The following R3HDM1 variants were observed in gnomAD, a reference collection of about 807,000 sequenced individuals.
The protein encoded by R3HDM1 is R3H domain containing 1, also known as R3H domain-containing protein 1.
A neutral mutation model predicts 141.1 loss-of-function variants in R3HDM1; 46 were observed. The observed-to-expected ratio is 0.33, with a 90% confidence interval of 0.26 to 0.42. The LOEUF (loss-of-function observed/expected upper bound fraction) is 0.42, where lower values mean the gene tolerates loss of function less well. Ranked by LOEUF, R3HDM1 falls within the 10% of genes least tolerant of loss-of-function variation. R3HDM1 has a pLI of 1.00. For missense variants in R3HDM1, 1,184 were observed against 1,368.3 expected (o/e 0.87, Z 2.12); for synonymous variants, 435 against 472.9 (o/e 0.92, Z 1.04).
chr2:135,575,405 C>T (rs1036794798), intron 1 of R3HDM1, among the ~76,000 whole-genome samples: 3 of 152,288 alleles, frequency 2.0e-5, no homozygotes, highest in Non-Finnish European at 2.9e-5. Flanking sequence ...TGGTCTCGAA[C>T]TCCTGACCTC....
intron 21 of R3HDM1, among the ~76,000 whole-genome samples, chr2:135,691,378 C>T (rs749288343): frequency 1.1e-4 from 16 of 152,122 alleles, no homozygotes; most frequent in Admixed American, 7.8e-4. Context: ...CTTTGGGAGG[C>T]CAAGGTGAGT....
intron 24 of R3HDM1, among the ~76,000 whole-genome samples, chr2:135,717,316 TCTA>T (rs1272634121): frequency 1.3e-5 from 2 of 152,042 alleles, no homozygotes; most frequent in Non-Finnish European, 2.9e-5. Context: ...AAACCCCATC[TCTA>T]CTAAAAATAC....
At chr2:135,601,026 C>T (rs2059582182) in intron 1 of R3HDM1, among the ~76,000 whole-genome samples, 1 of 152,036 alleles carries the variant, frequency 6.6e-6, no homozygotes, top group Admixed American at 6.6e-5. Context: ...TATGGAATTA[C>T]AAAATTAAGA....
At chr2:135,653,281 G>T (rs1040023404) in intron 18 of R3HDM1, among the ~76,000 whole-genome samples, 3 of 152,018 alleles carry the variant, frequency 2.0e-5, no homozygotes, top group African/African-American at 7.2e-5. Context: ...ACTTGAACCT[G>T]GCACATGCAG....
chr2:135,630,281 CAAAAAAAAAAAA>C lies in R3HDM1; in HGVS notation c.498-1421_498-1410del, dbSNP rs911009655. On this transcript the variant is annotated intron_variant, in intron 7 of 26. Coordinates refer to ENST00000683871, the MANE Select transcript of R3HDM1 (RefSeq NM_001378107.1). Reference sequence around the variant, plus strand: ...AACAAGAGCGAAACTCCTTCTCAACCAAAAAAAAAAAAAAAAAAAAAAAAAAACAAAAAAAAA... The same window carrying C: ...AACAAGAGCGAAACTCCTTCTCAACCAAAAAAAAAAAAAAACAAAAAAAAA... Among the ~76,000 whole-genome samples the C allele has an allele frequency of 3.3e-4, 13 of 39,316 alleles. 1 individual carries two copies. The highest frequency in any genetic ancestry group is 3.2e-3 in the East Asian group (5 of 1,572). The allele number at this position is 39,316 out of a possible 152,430, so 25.8% of individuals were successfully genotyped here.
intron 1 of R3HDM1, among the ~76,000 whole-genome samples, chr2:135,584,801 A>G (rs1405582272): frequency 6.6e-6 from 1 of 152,216 alleles, no homozygotes; most frequent in Non-Finnish European, 1.5e-5. Context: ...GAAAATATTC[A>G]TTTGTTTTTG....
At chr2:135,680,392 G>A (rs2070057248) in intron 21 of R3HDM1, 68 bp downstream of exon 21, 1 of 1,550,796 alleles carries the variant, frequency 6.4e-7, no homozygotes, top group African/African-American at 1.4e-5. Context: ...TCTGTTGCTA[G>A]TTTTAAAGTT....
intron 1 of R3HDM1, among the ~76,000 whole-genome samples, chr2:135,546,809 T>A (rs1698785402): frequency 6.6e-6 from 1 of 152,084 alleles, no homozygotes; most frequent in Admixed American, 6.6e-5. Flanking sequence ...GTAGCCAGGA[T>A]TACAGGCGTG....
chr2:135,654,122 T>A lies in R3HDM1; in HGVS notation c.2028+2090T>A, dbSNP rs184755677. Among the ~76,000 whole-genome samples the A allele has an allele frequency of 2.1e-3, 325 of 152,256 alleles. 3 individuals carry two copies. Among genetic ancestry groups the A allele is most frequent in the Non-Finnish European group, 6.6e-4 (45 of 68,010 alleles). ...AACCCCATATCTGTTAGGCAGTTGCTACTTGTTCCTCCATTTCCCAGCCCC... is the reference window on the plus strand; with the variant it reads ...AACCCCATATCTGTTAGGCAGTTGCAACTTGTTCCTCCATTTCCCAGCCCC... On this transcript the variant is annotated intron_variant, in intron 18 of 26. Coordinates refer to ENST00000683871, the MANE Select transcript of R3HDM1 (RefSeq NM_001378107.1).
chr2:135,626,211 GCT>G (rs1226677288), intron 7 of R3HDM1, among the ~76,000 whole-genome samples: 20 of 142,712 alleles, frequency 1.4e-4, no homozygotes, highest in South Asian at 8.4e-4. Flanking sequence ...GTGCGTGCGT[GCT>G]TGCTTGCTTG....
At chr2:135,640,721 A>AAACCT (rs1174352718) in intron 14 of R3HDM1, among the ~76,000 whole-genome samples, 2 of 152,176 alleles carry the variant, frequency 1.3e-5, no homozygotes, top group South Asian at 2.1e-4. Flanking sequence ...CTCTTATTCA[A>AAACCT]AACCTAATTA....
intron 5 of R3HDM1, among the ~76,000 whole-genome samples, chr2:135,617,434 T>G (rs902139684): frequency 8.5e-5 from 13 of 152,298 alleles, no homozygotes; most frequent in African/African-American, 3.1e-4. Flanking sequence ...TACTTAATGC[T>G]TGTTTGTAAA....
intron 1 of R3HDM1, among the ~76,000 whole-genome samples, chr2:135,601,979 T>G (rs2059656160): frequency 6.6e-6 from 1 of 151,858 alleles, no homozygotes; most frequent in Admixed American, 6.6e-5. Flanking sequence ...TTTTTTTTTT[T>G]TTTTTTTAGA....
At chr2:135,642,838 T>C (rs977444305) in intron 15 of R3HDM1, among the ~76,000 whole-genome samples, 1 of 152,210 alleles carries the variant, frequency 6.6e-6, no homozygotes, top group Admixed American at 6.5e-5. Flanking sequence ...AAACATTTGT[T>C]TCTCTTATAA....
chr2:135,577,273 C>T, intron 1 of R3HDM1: 5 of 941,922 alleles, frequency 5.3e-6, no homozygotes, highest in Non-Finnish European at 6.3e-6. Context: ...AAAACACAAG[C>T]TGACAAACTG....
At chr2:135,690,765 G>A (rs1178043616) in intron 21 of R3HDM1, among the ~76,000 whole-genome samples, 3 of 151,902 alleles carry the variant, frequency 2.0e-5, no homozygotes, top group Non-Finnish European at 4.4e-5. Context: ...TTGTGGGCAT[G>A]TGTTTATTAG....
Position 135,531,551 on chromosome 2 carries a change from A to G in R3HDM1, c.-332A>G, listed in dbSNP as rs1330844603. 7.1e-6 allele frequency: 7 copies of G among 985,444 alleles called. No individual in the cohort carries two copies. Among genetic ancestry groups the G allele is most frequent in the Admixed American group, 6.2e-5 (1 of 16,238 alleles). 61.0% of individuals were successfully genotyped at this position (985,444 alleles called of 1,614,324 possible). Reference sequence around the variant, plus strand: ...GGTGATGGGGTTAATTCCCTTTCGTAAGACTCTTACTTGCACCCACCCAGC... The same window carrying G: ...GGTGATGGGGTTAATTCCCTTTCGTGAGACTCTTACTTGCACCCACCCAGC... On this transcript the variant is annotated 5_prime_UTR_variant, in exon 1 of 27. Coordinates refer to ENST00000683871, the MANE Select transcript of R3HDM1 (RefSeq NM_001378107.1).
At chr2:135,586,551 T>C (rs1707961750) in intron 1 of R3HDM1, 1 of 244,362 alleles carries the variant, frequency 4.1e-6, no homozygotes, top group Non-Finnish European at 6.6e-6. Flanking sequence ...GAATGTAATC[T>C]GATACATGAA....
intron 1 of R3HDM1, among the ~76,000 whole-genome samples, chr2:135,537,355 G>A (rs541806925): frequency 4.4e-5 from 6 of 136,426 alleles, no homozygotes; most frequent in Non-Finnish European, 6.1e-5. Context: ...GCGCAATCTC[G>A]GCCTACTGCA....
Sources: allele counts gnomAD v4.1 joint callset (sites outside exome capture counted in the v4.1 genomes callset), GRCh38; gene constraint gnomAD v4.1.1; transcripts MANE v1.5; gene names NCBI Gene and HGNC (gene_info 2026-07-23, HGNC 2026-07-21).